The following DLG2 variants were observed in gnomAD, a reference collection of about 807,000 sequenced individuals.
The protein encoded by DLG2 is discs large MAGUK scaffold protein 2.
DLG2 carries 45 observed loss-of-function variants against 132.5 expected under a neutral mutation model. The ratio of observed to expected loss-of-function variants is 0.34; its 90% confidence interval spans 0.27 to 0.44. DLG2 has a LOEUF of 0.44. Ranked by LOEUF, DLG2 falls within the 20% of genes least tolerant of loss-of-function variation. The pLI is 1.00. For missense variants in DLG2, 1,045 were observed against 1,196.9 expected (o/e 0.87, Z 1.87); for synonymous variants, 424 against 419.6 (o/e 1.01, Z -0.13).
chr11:84,074,538 T>C (rs2096798384), intron 10 of DLG2, among the ~76,000 whole-genome samples: 1 of 151,444 alleles, frequency 6.6e-6, no homozygotes. Context: ...AATTTTTTTT[T>C]TTTTTTTTGA....
At chr11:83,571,361 C>T (rs1276369574) in intron 19 of DLG2, among the ~76,000 whole-genome samples, 1 of 151,740 alleles carries the variant, frequency 6.6e-6, no homozygotes, top group Non-Finnish European at 1.5e-5. Flanking sequence ...AAAATCTGGC[C>T]TGAATTCTAC....
intron 6 of DLG2, among the ~76,000 whole-genome samples, chr11:84,707,514 C>G (rs901291710): frequency 6.6e-6 from 1 of 151,686 alleles, no homozygotes; most frequent in African/African-American, 2.4e-5. Context: ...AAGAATAAAA[C>G]AGAAAGCCAG....
intron 18 of DLG2, among the ~76,000 whole-genome samples, chr11:83,727,820 T>A (rs1306274391): frequency 6.6e-6 from 1 of 152,214 alleles, no homozygotes. Flanking sequence ...GGCTTTTTCA[T>A]CTATCAAACT....
intron 18 of DLG2, among the ~76,000 whole-genome samples, chr11:83,767,214 T>C (rs1797886637): frequency 6.6e-6 from 1 of 152,204 alleles, no homozygotes; most frequent in African/African-American, 2.4e-5. Context: ...AGTGTTCTTT[T>C]TTTAGGATAA....
chr11:83,893,421 T>C (rs746919245), intron 15 of DLG2, among the ~76,000 whole-genome samples: 6 of 152,212 alleles, frequency 3.9e-5, no homozygotes, highest in Non-Finnish European at 7.3e-5. Context: ...AACCTAGCCA[T>C]GCTGGCCTTC....
intron 7 of DLG2, among the ~76,000 whole-genome samples, chr11:84,417,754 A>T (rs2098934703): frequency 6.6e-6 from 1 of 152,154 alleles, no homozygotes; most frequent in Admixed American, 6.5e-5. Context: ...GAATTCATGA[A>T]GACGTGTTTT....
At chr11:84,177,946 G>C (rs998073661) in intron 8 of DLG2, among the ~76,000 whole-genome samples, 1 of 151,922 alleles carries the variant, frequency 6.6e-6, no homozygotes, top group African/African-American at 2.4e-5. Context: ...GCCAACAATA[G>C]CCATTTCTGG....
Position 83,554,925 on chromosome 11 carries a change from T to A in DLG2, c.1941-13067A>T, listed in dbSNP as rs80330651. Among the ~76,000 whole-genome samples, 51 of 152,312 alleles carry A rather than the reference T, an allele frequency of 3.3e-4. 2 individuals carry two copies. Among genetic ancestry groups the A allele is most frequent in the African/African-American group, 1.2e-3 (50 of 41,546 alleles). On this transcript the variant is annotated intron_variant, in intron 19 of 27. Coordinates refer to ENST00000376104, the MANE Select transcript of DLG2 (RefSeq NM_001142699.3). The stretch of plus-strand genomic sequence containing the variant: ...TTATGTTAGGTATTTGGGGATACAG[T>A]GTGAATAACAGAAACAAGGCACTTT...
intron 7 of DLG2, among the ~76,000 whole-genome samples, chr11:84,473,523 T>A (rs1379724484): frequency 6.6e-6 from 1 of 151,992 alleles, no homozygotes; most frequent in Non-Finnish European, 1.5e-5. Context: ...TAAATGGGTA[T>A]TGCATGGAAG....
At chr11:84,642,063 CGCGT>C (rs1005471371) in intron 6 of DLG2, among the ~76,000 whole-genome samples, 22 of 124,128 alleles carry the variant, frequency 1.8e-4, no homozygotes, top group East Asian at 1.3e-3. Flanking sequence ...TATATACGCA[CGCGT>C]GTGTGTGTGT....
chr11:85,426,267 T>C (rs571265504), intron 3 of DLG2, among the ~76,000 whole-genome samples: 11 of 152,142 alleles, frequency 7.2e-5, no homozygotes, highest in Non-Finnish European at 1.5e-4. Context: ...TCTGACAGCC[T>C]TGAAGAGAGT....
At chr11:83,838,982 C>T (rs1743372325) in intron 16 of DLG2, among the ~76,000 whole-genome samples, 1 of 152,158 alleles carries the variant, frequency 6.6e-6, no homozygotes, top group Non-Finnish European at 1.5e-5. Context: ...TGCAATGTGA[C>T]TTTATGCAGG....
chr11:84,919,852 G>A (rs1022725964), intron 6 of DLG2, among the ~76,000 whole-genome samples: 16 of 152,064 alleles, frequency 1.1e-4, no homozygotes, highest in African/African-American at 3.9e-4. Flanking sequence ...CTATAATATA[G>A]ACAATTTCAG....
intron 8 of DLG2, among the ~76,000 whole-genome samples, chr11:84,243,017 C>CTCTCTCTCTCTCTCTCTCTCTCTA (rs542476924): frequency 3.5e-5 from 5 of 142,206 alleles, no homozygotes; most frequent in East Asian, 4.2e-4. Context: ...CTCTCTCTCT[C>CTCTCTCTCTCTCTCTCTCTCTCTA]TATATATATA....
chr11:84,898,046 A>G (rs775649983), intron 6 of DLG2, among the ~76,000 whole-genome samples: 8 of 151,908 alleles, frequency 5.3e-5, no homozygotes, highest in Admixed American at 1.3e-4. Context: ...TCCCTAAATA[A>G]CTCAGTGTGA....
intron 15 of DLG2, among the ~76,000 whole-genome samples, chr11:83,901,128 A>G (rs185080121): frequency 1.2e-3 from 187 of 152,272 alleles, no homozygotes; most frequent in African/African-American, 4.2e-3. Context: ...GGCTGTATTT[A>G]CCCAATGCCT....
intron 7 of DLG2, among the ~76,000 whole-genome samples, chr11:84,259,412 GTCATCACTACTAATA>G (rs2097524842): frequency 6.6e-6 from 1 of 152,092 alleles, no homozygotes; most frequent in Non-Finnish European, 1.5e-5. Context: ...CCAGCTCTAA[GTCATCACTACTAATA>G]TCATCCAGTG....
intron 17 of DLG2, among the ~76,000 whole-genome samples, chr11:83,803,811 C>G (rs560773248): frequency 6.7e-4 from 102 of 152,202 alleles, no homozygotes; most frequent in African/African-American, 2.4e-3. Flanking sequence ...ATCTGTCAAA[C>G]AGTCCACTCC....
At chr11:84,297,989 A>G (rs1191855111) in intron 7 of DLG2, among the ~76,000 whole-genome samples, 1 of 151,928 alleles carries the variant, frequency 6.6e-6, no homozygotes, top group East Asian at 1.9e-4. Context: ...TACTTTCCTT[A>G]CTTTAATGTC....
Sources: allele counts gnomAD v4.1 joint callset (sites outside exome capture counted in the v4.1 genomes callset), GRCh38; gene constraint gnomAD v4.1.1; transcripts MANE v1.5; gene names NCBI Gene and HGNC (gene_info 2026-07-23, HGNC 2026-07-21).